The following ARL15 variants were observed in gnomAD, a reference collection of about 807,000 sequenced individuals.
ARL15 encodes the protein ARF like GTPase 15.
Under a neutral mutation model 25.2 loss-of-function variants are expected in ARL15, and 19 were observed. That is an observed-to-expected ratio of 0.75 (90% CI 0.53 to 1.10). The LOEUF (loss-of-function observed/expected upper bound fraction) is 1.10. ARL15 is among the 50% of genes least tolerant of loss of function. The pLI is 0.00. For missense variants in ARL15, 220 were observed against 246.0 expected (o/e 0.89, Z 0.71); for synonymous variants, 94 against 86.8 (o/e 1.08, Z -0.46).
chr5:54,028,430 C>CT (rs777122165), intron 4 of ARL15, among the ~76,000 whole-genome samples: 24 of 151,622 alleles, frequency 1.6e-4, no homozygotes, highest in Non-Finnish European at 3.2e-4. Context: ...CAAATTTTCT[C>CT]TTTTCCCATT....
At chr5:54,033,041 A>C (rs1750042336) in intron 4 of ARL15, among the ~76,000 whole-genome samples, 1 of 151,424 alleles carries the variant, frequency 6.6e-6, no homozygotes, top group African/African-American at 2.4e-5. Context: ...AAAAAAAAAA[A>C]GACTGGCTGG....
chr5:54,012,242 T>A (rs886688888), intron 4 of ARL15, among the ~76,000 whole-genome samples: 9 of 152,194 alleles, frequency 5.9e-5, no homozygotes, highest in Non-Finnish European at 2.9e-5. Flanking sequence ...ATACTGTCCA[T>A]CCCTTTAGAT....
chr5:54,270,471 GCCCACGTAT>G (rs1232746739), intron 1 of ARL15, among the ~76,000 whole-genome samples: 1 of 152,204 alleles, frequency 6.6e-6, no homozygotes, highest in African/African-American at 2.4e-5. Flanking sequence ...AACTTAGAAT[GCCCACGTAT>G]CCCCAGGGGC....
At chr5:54,279,437 T>C (rs1758001199) in intron 1 of ARL15, among the ~76,000 whole-genome samples, 1 of 152,158 alleles carries the variant, frequency 6.6e-6, no homozygotes, top group South Asian at 2.1e-4. Context: ...CCTTCTTATG[T>C]CCTCACATGG....
intron 4 of ARL15, among the ~76,000 whole-genome samples, chr5:54,050,645 GTGAATA>G (rs1484153478): frequency 1.3e-5 from 2 of 152,204 alleles, no homozygotes; most frequent in Admixed American, 1.3e-4. Flanking sequence ...TACATGCTAA[GTGAATA>G]TGAGGCTTTA....
intron 4 of ARL15, among the ~76,000 whole-genome samples, chr5:54,108,832 T>C (rs566847644): frequency 1.3e-5 from 2 of 152,082 alleles, no homozygotes; most frequent in East Asian, 3.9e-4. Context: ...ATGTGATAGT[T>C]AAATACCATA....
intron 4 of ARL15, among the ~76,000 whole-genome samples, chr5:53,974,324 A>T (rs549527813): frequency 1.8e-4 from 28 of 152,358 alleles, no homozygotes; most frequent in Non-Finnish European, 2.9e-4. Flanking sequence ...CTTAATCTGA[A>T]AAATGTCATT....
intron 4 of ARL15, among the ~76,000 whole-genome samples, chr5:54,029,821 G>A (rs1047512503): frequency 4.6e-5 from 7 of 151,978 alleles, no homozygotes; most frequent in East Asian, 1.9e-4. Context: ...GTGAAACTCC[G>A]CCTCTACTAA....
At chr5:54,234,142 C>T (rs975630408) in intron 1 of ARL15, among the ~76,000 whole-genome samples, 4 of 152,020 alleles carry the variant, frequency 2.6e-5, no homozygotes, top group African/African-American at 4.8e-5. Flanking sequence ...ATTATAGGCG[C>T]GTGCCACCAA....
chr5:54,005,501 C>T (rs1748998568), intron 4 of ARL15, among the ~76,000 whole-genome samples: 2 of 152,072 alleles, frequency 1.3e-5, no homozygotes, highest in African/African-American at 4.8e-5. Context: ...GCGGGTGGAT[C>T]ACCTGAGGTC....
chr5:54,285,086 A>G (rs1477893408), intron 1 of ARL15, among the ~76,000 whole-genome samples: 2 of 152,204 alleles, frequency 1.3e-5, no homozygotes, highest in African/African-American at 2.4e-5. Flanking sequence ...ATGAGTTTCT[A>G]TCTCAGATAA....
At position 53,959,833 on chromosome 5, in the gene ARL15, C is replaced by T. The variant is rs533282925; in HGVS notation, c.463-73120G>A. 3.9e-4 allele frequency among the ~76,000 whole-genome samples: 59 copies of T among 152,234 alleles called. 2 individuals are homozygous for T. The South Asian group carries it at 8.9e-3, about 23-fold the overall frequency. On this transcript the variant is annotated intron_variant, in intron 4 of 4. Coordinates refer to ENST00000504924, the MANE Select transcript of ARL15 (RefSeq NM_019087.3). ...TTCCTTTCTTCTTGCATTGTAACTC[C>T]CACACTTAGCACTATCATAGGATAC...
chr5:53,925,611 T>G (rs919541138), intron 4 of ARL15, among the ~76,000 whole-genome samples: 10 of 152,156 alleles, frequency 6.6e-5, no homozygotes, highest in Non-Finnish European at 1.0e-4. Flanking sequence ...GAGACCTGCC[T>G]GGGTAATATA....
intron 1 of ARL15, among the ~76,000 whole-genome samples, chr5:54,304,153 C>T (rs539785728): frequency 6.6e-6 from 1 of 152,310 alleles, no homozygotes; most frequent in South Asian, 2.1e-4. Flanking sequence ...ATCCCAACTG[C>T]CTTAACACCA....
rs146261503 is a variant in ARL15 at position 54,271,063 on chromosome 5, A to G, written c.48+39369T>C. On this transcript the variant is annotated intron_variant, in intron 1 of 4. Transcript: ENST00000504924. ...CAGGCCTTTGGACTCCAAGGTTTAC[A>G]TCAGTGGCTCCCCGGGTTGCCTGGC... 1.6e-3 allele frequency among the ~76,000 whole-genome samples: 240 copies of G among 152,346 alleles called. 1 individual carries two copies. The highest frequency in any genetic ancestry group is 1.6e-3 in the Non-Finnish European group (112 of 68,036).
At position 53,936,341 on chromosome 5, in the gene ARL15, G is replaced by C. The variant is rs531088750; in HGVS notation, c.463-49628C>G. ...CCGCCTCACAGTTTAGCAATCCTTA[G>C]AGACAGTTTAAACAATTTGCTCAAG... On this transcript the variant is annotated intron_variant, in intron 4 of 4. Coordinates refer to ENST00000504924, the MANE Select transcript of ARL15 (RefSeq NM_019087.3). Among the ~76,000 whole-genome samples, 6 of 152,278 alleles carry C rather than the reference G, an allele frequency of 3.9e-5. No individual in the cohort carries two copies. In the South Asian group the frequency reaches 1.2e-3, roughly 32 times the overall value.
At chr5:54,222,851 T>A (rs1756414937) in intron 1 of ARL15, among the ~76,000 whole-genome samples, 2 of 152,142 alleles carry the variant, frequency 1.3e-5, no homozygotes, top group Non-Finnish European at 2.9e-5. Context: ...TGAGACGGAG[T>A]CTCACTCTGT....
At chr5:54,231,008 A>C (rs1756656168) in intron 1 of ARL15, among the ~76,000 whole-genome samples, 1 of 151,472 alleles carries the variant, frequency 6.6e-6, no homozygotes, top group African/African-American at 2.4e-5. Flanking sequence ...TCAGTAGCCC[A>C]TTTCTCTCTC....
chr5:54,075,073 G>GAAATAAAAAAA (rs1751551633), intron 4 of ARL15, among the ~76,000 whole-genome samples: 1 of 63,926 alleles, frequency 1.6e-5, no homozygotes. Context: ...CAGAATACAG[G>GAAATAAAAAAA]AAAAAAAAAA....
Sources: gnomAD v4.1 joint callset for allele counts (sites outside exome capture counted in the v4.1 genomes callset) on GRCh38, gnomAD v4.1.1 for gene constraint, MANE v1.5 for transcripts, NCBI Gene and HGNC (gene_info 2026-07-23, HGNC 2026-07-21) for gene names.